Variants in CDIN1 observed in about 807,000 individuals in gnomAD.
CDIN1 encodes CDAN1 interacting nuclease 1, also known as CDAN1-interacting nuclease 1.
A neutral mutation model predicts 45.3 loss-of-function variants in CDIN1; 33 were observed. The observed-to-expected ratio is 0.73, with a 90% CI of 0.55 to 0.97. The LOEUF (loss-of-function observed/expected upper bound fraction) is 0.97, where lower values mean the gene tolerates loss of function less well. CDIN1 is among the 50% of genes least tolerant of loss of function. The pLI is 0.00. For synonymous variants in CDIN1, 118 were observed against 124.4 expected (o/e 0.95, Z 0.34); for missense variants, 303 against 339.4 (o/e 0.89, Z 0.84).
intron 1 of CDIN1, among the ~76,000 whole-genome samples, chr15:36,620,280 G>T (rs146679959): frequency 6.6e-6 from 1 of 152,112 alleles, no homozygotes; most frequent in Non-Finnish European, 1.5e-5. Flanking sequence ...GACACCGGGG[G>T]GCGGAGCTTG....
chr15:36,646,064 G>A (rs955734886), intron 3 of CDIN1, among the ~76,000 whole-genome samples: 2 of 151,964 alleles, frequency 1.3e-5, no homozygotes, highest in Non-Finnish European at 2.9e-5. Context: ...ATTGTTAGTT[G>A]GTTTCTTAAA....
intron 5 of CDIN1, among the ~76,000 whole-genome samples, chr15:36,683,955 G>C (rs966406292): frequency 3.5e-5 from 5 of 141,016 alleles, no homozygotes; most frequent in Non-Finnish European, 6.2e-5. Context: ...AGTTGCTTAT[G>C]AGCTTAAGGA....
intron 10 of CDIN1, among the ~76,000 whole-genome samples, chr15:36,741,014 G>A (rs980843459): frequency 6.6e-6 from 1 of 151,902 alleles, no homozygotes; most frequent in African/African-American, 2.4e-5. Context: ...ATGGCTCACT[G>A]CAGCCTCTAG....
chr15:36,720,320 C>T (rs1356772827), intron 10 of CDIN1, among the ~76,000 whole-genome samples: 5 of 150,752 alleles, frequency 3.3e-5, no homozygotes, highest in Non-Finnish European at 7.4e-5. Context: ...GGTACATGTG[C>T]ACAACGTGCA....
intron 5 of CDIN1, among the ~76,000 whole-genome samples, chr15:36,662,626 G>A (rs1202227074): frequency 1.3e-5 from 2 of 152,116 alleles, no homozygotes; most frequent in Non-Finnish European, 2.9e-5. Flanking sequence ...ACAATAAGAG[G>A]ATATTAATTC....
rs186093210 is a variant in CDIN1, at chr15:36,657,540, A to T, written c.274-293A>T. Among the ~76,000 whole-genome samples, 16 of 152,268 alleles carry T rather than the reference A, an allele frequency of 1.1e-4. No homozygotes were observed. In the East Asian group the frequency reaches 2.5e-3, roughly 24 times the overall value. On this transcript the variant is annotated intron_variant, in intron 4 of 10. Transcript: ENST00000566621. ...TACCAACAGAAAAAATTGAGGAGAG[A>T]TGAAAAAAGCCTATTTCACTGTTTT...
intron 7 of CDIN1, among the ~76,000 whole-genome samples, chr15:36,695,159 C>A (rs2042378233): frequency 6.6e-6 from 1 of 152,124 alleles, no homozygotes; most frequent in Non-Finnish European, 1.5e-5. Context: ...AGATTTAAAC[C>A]ATATTCACCT....
chr15:36,795,605 T>C (rs2054774081), intron 10 of CDIN1, among the ~76,000 whole-genome samples: 1 of 152,116 alleles, frequency 6.6e-6, no homozygotes, highest in Non-Finnish European at 1.5e-5. Context: ...AACATTTAGG[T>C]CACTGACATC....
intron 4 of CDIN1, among the ~76,000 whole-genome samples, chr15:36,654,831 G>A (rs1181254017): frequency 6.6e-6 from 1 of 152,062 alleles, no homozygotes; most frequent in Non-Finnish European, 1.5e-5. Flanking sequence ...TAGTTGCAGA[G>A]AGCATACCAA....
At chr15:36,677,940 G>T (rs1428465135) in intron 5 of CDIN1, among the ~76,000 whole-genome samples, 4 of 152,184 alleles carry the variant, frequency 2.6e-5, no homozygotes, top group Admixed American at 2.0e-4. Context: ...CGGCTATAAG[G>T]CTGCAAGTTG....
At chr15:36,714,820 G>A (rs1409370924) in intron 10 of CDIN1, among the ~76,000 whole-genome samples, 9 of 152,178 alleles carry the variant, frequency 5.9e-5, no homozygotes, top group Admixed American at 5.9e-4. Flanking sequence ...ACCTGAAAGG[G>A]CCCTCCAGGC....
intron 1 of CDIN1, among the ~76,000 whole-genome samples, chr15:36,638,435 T>C (rs2039986677): frequency 6.6e-6 from 1 of 152,244 alleles, no homozygotes; most frequent in Non-Finnish European, 1.5e-5. Flanking sequence ...GATTGGATTA[T>C]TTATATTTGC....
rs371630554 is a variant in CDIN1 at position 36,621,155 on chromosome 15, CTG to C, written c.102-23121_102-23120del. 2.2e-4 allele frequency among the ~76,000 whole-genome samples: 33 copies of C among 152,292 alleles called. No homozygotes were observed. The East Asian group carries it at 2.9e-3, about 13-fold the overall frequency. On this transcript the variant is annotated intron_variant, in intron 1 of 10. Coordinates refer to ENST00000566621, the MANE Select transcript of CDIN1 (RefSeq NM_001321759.2). ...AAGGGATAATTTGTAATAGTAAGAA[CTG>C]TCCCATATGTTAGATTATGTGTGTA...
At chr15:36,747,979 A>C (rs1399786261) in intron 10 of CDIN1, among the ~76,000 whole-genome samples, 1 of 152,212 alleles carries the variant, frequency 6.6e-6, no homozygotes, top group Non-Finnish European at 1.5e-5. Flanking sequence ...AATAGTCTAG[A>C]AGTTATTTAA....
At chr15:36,635,554 A>T (rs1207015506) in intron 1 of CDIN1, among the ~76,000 whole-genome samples, 1 of 152,090 alleles carries the variant, frequency 6.6e-6, no homozygotes, top group East Asian at 1.9e-4. Context: ...CCCTGTGTGT[A>T]CCAAAGGACG....
At chr15:36,751,091 T>G (rs1333703325) in intron 10 of CDIN1, among the ~76,000 whole-genome samples, 2 of 151,536 alleles carry the variant, frequency 1.3e-5, no homozygotes, top group Non-Finnish European at 2.9e-5. Context: ...CCCAGTCTGA[T>G]TGATTTAGGT....
intron 4 of CDIN1, 34 bp from the exon 5 acceptor site, chr15:36,657,799 G>C: frequency 3.2e-6 from 5 of 1,561,984 alleles, no homozygotes; most frequent in Non-Finnish European, 4.4e-6. Flanking sequence ...CGCACAACTT[G>C]ATAGTTTTAA....
At chr15:36,641,728 T>C (rs2040116592) in intron 1 of CDIN1, 1 of 149,856 alleles carries the variant, frequency 6.7e-6, no homozygotes, top group Non-Finnish European at 1.5e-5. Context: ...TTTTGCCTTT[T>C]TTATGTGTGT....
intron 10 of CDIN1, among the ~76,000 whole-genome samples, chr15:36,766,995 C>G (rs2141013886): frequency 6.6e-6 from 1 of 152,158 alleles, no homozygotes; most frequent in East Asian, 1.9e-4. Flanking sequence ...GGTGTCATGT[C>G]TAGGAAATCA....
Sources: gnomAD v4.1 joint callset for allele counts (sites outside exome capture counted in the v4.1 genomes callset) on GRCh38, gnomAD v4.1.1 for gene constraint, MANE v1.5 for transcripts, NCBI Gene and HGNC (gene_info 2026-07-23, HGNC 2026-07-21) for gene names.